Variants in GMDS observed in about 807,000 individuals in gnomAD.
GMDS encodes GDP-mannose 4,6 dehydratase.
In GMDS, 20 loss-of-function variants were observed where a neutral mutation model predicts 49.9. The observed-to-expected ratio is 0.40, with a 90% CI of 0.28 to 0.58. The LOEUF (loss-of-function observed/expected upper bound fraction) is 0.58. Ranked by LOEUF, GMDS falls within the 20% of genes least tolerant of loss-of-function variation. The pLI, the probability that GMDS is intolerant of heterozygous loss-of-function variation, is 0.42. For synonymous variants in GMDS, 177 were observed against 178.6 expected (o/e 0.99, Z 0.07); for missense variants, 362 against 481.4 (o/e 0.75, Z 2.32).
intron 7 of GMDS, among the ~76,000 whole-genome samples, chr6:1,840,349 T>C (rs1215672007): frequency 1.3e-5 from 2 of 152,150 alleles, no homozygotes; most frequent in African/African-American, 4.8e-5. Flanking sequence ...GCCTGGCACA[T>C]AGTAGGTTCT....
At chr6:1,709,236 G>A (rs1031155534) in intron 9 of GMDS, among the ~76,000 whole-genome samples, 3 of 152,228 alleles carry the variant, frequency 2.0e-5, no homozygotes, top group Non-Finnish European at 2.9e-5. Flanking sequence ...TGCTGCTGAG[G>A]GGCCTGGCTA....
intron 9 of GMDS, among the ~76,000 whole-genome samples, chr6:1,633,333 C>T (rs560667171): frequency 2.6e-5 from 4 of 152,184 alleles, no homozygotes; most frequent in Non-Finnish European, 5.9e-5. Flanking sequence ...TGCTGTCCCT[C>T]AATTTCTGCA....
At chr6:1,802,623 G>A (rs1274288316) in intron 7 of GMDS, among the ~76,000 whole-genome samples, 6 of 152,216 alleles carry the variant, frequency 3.9e-5, no homozygotes, top group South Asian at 2.1e-4. Context: ...GCTGTTGTTC[G>A]GCAGGAGGTA....
chr6:1,709,193 A>T (rs1765853804), intron 9 of GMDS, among the ~76,000 whole-genome samples: 1 of 152,244 alleles, frequency 6.6e-6, no homozygotes, highest in Admixed American at 6.5e-5. Flanking sequence ...GACAGTGTCT[A>T]CAGAACCAGA....
rs567775642 is a variant in GMDS at position 1,862,396 on chromosome 6, C to T, written c.771+67707G>A. ...GATCCTGCTGGCACAGCTTCGAATC[C>T]GGGGGGACATCACTGAAATGTATTA... On this transcript the variant is annotated intron_variant, in intron 7 of 10. Transcript: ENST00000380815. Among the ~76,000 whole-genome samples the T allele has an allele frequency of 1.4e-4, 21 of 152,190 alleles. No individual in the cohort carries two copies. The South Asian group carries it at 1.7e-3, about 12-fold the overall frequency.
intron 9 of GMDS, among the ~76,000 whole-genome samples, chr6:1,673,389 C>T (rs1368913967): frequency 2.0e-5 from 3 of 149,594 alleles, no homozygotes; most frequent in Non-Finnish European, 4.4e-5. Flanking sequence ...TTTAAATAGA[C>T]TTAGTATTTT....
chr6:1,910,369 T>C (rs73425523), intron 7 of GMDS, among the ~76,000 whole-genome samples: 5,280 of 151,636 alleles, frequency 0.035, 294 homozygotes, highest in African/African-American at 0.12. Context: ...CACTGAGGGA[T>C]TGTACAATGT....
intron 4 of GMDS, among the ~76,000 whole-genome samples, chr6:1,989,095 A>G (rs1006243606): frequency 6.6e-6 from 1 of 152,238 alleles, no homozygotes; most frequent in East Asian, 1.9e-4. Flanking sequence ...ACACAAGTTT[A>G]TTCCACATGA....
chr6:2,225,975 G>A (rs1179756865), intron 1 of GMDS, among the ~76,000 whole-genome samples: 1 of 151,830 alleles, frequency 6.6e-6, no homozygotes, highest in Non-Finnish European at 1.5e-5. Flanking sequence ...GGTGAACTCT[G>A]CTCCCATTCC....
rs139795178 is a variant in GMDS at position 1,770,153 on chromosome 6, T to C, written c.772-27567A>G. On this transcript the variant is annotated intron_variant, in intron 7 of 10. Transcript: ENST00000380815. ...TAACTTTACTTGAGTCATGGACTCC[T>C]TTGAGAATCTGATGAAAAATGAGGA... Among the ~76,000 whole-genome samples, 62 of 152,348 alleles carry C rather than the reference T, an allele frequency of 4.1e-4. No homozygotes were observed. The East Asian group carries it at 0.011, about 26-fold the overall frequency.
At chr6:1,652,400 AT>A (rs1343071626) in intron 9 of GMDS, among the ~76,000 whole-genome samples, 1 of 4,930 alleles carries the variant, frequency 2.0e-4, no homozygotes, top group African/African-American at 5.0e-4. Flanking sequence ...TATTATATAT[AT>A]ATATATATTA....
chr6:2,082,665 C>T (rs951796410), intron 4 of GMDS, among the ~76,000 whole-genome samples: 6 of 152,152 alleles, frequency 3.9e-5, no homozygotes, highest in Non-Finnish European at 7.4e-5. Context: ...GGTTATGGGT[C>T]ACAAAATCAA....
chr6:1,968,739 T>C (rs779459926), intron 4 of GMDS, among the ~76,000 whole-genome samples: 3 of 152,128 alleles, frequency 2.0e-5, no homozygotes, highest in Non-Finnish European at 4.4e-5. Flanking sequence ...TACTTCAAAA[T>C]ATTAATACAA....
intron 7 of GMDS, among the ~76,000 whole-genome samples, chr6:1,761,362 A>T (rs938605643): frequency 5.3e-5 from 8 of 152,248 alleles, no homozygotes; most frequent in African/African-American, 1.9e-4. Context: ...AAGATAATTT[A>T]AAAAATCTGT....
intron 7 of GMDS, among the ~76,000 whole-genome samples, chr6:1,927,915 C>A (rs531952747): frequency 3.9e-5 from 6 of 152,166 alleles, no homozygotes; most frequent in Non-Finnish European, 8.8e-5. Flanking sequence ...ATAAACACAA[C>A]CTGTAAAAAG....
rs367968855 is a variant in GMDS, at chr6:1,733,749, G to A, written c.891-7237C>T. On this transcript the variant is annotated intron_variant, in intron 8 of 10. Coordinates refer to ENST00000380815, the MANE Select transcript of GMDS (RefSeq NM_001500.4). The stretch of plus-strand genomic sequence containing the variant: ...CACCCATTGTCCCAAGTACTTGTGA[G>A]GCAGAGGTGGGAGGATTGCTTGAAC... Among the ~76,000 whole-genome samples, 12 of 152,290 alleles carry A rather than the reference G, an allele frequency of 7.9e-5. No individual in the cohort carries two copies. In the South Asian group the frequency reaches 8.3e-4, roughly 11 times the overall value.
chr6:2,013,403 AT>A (rs952422080), intron 4 of GMDS, among the ~76,000 whole-genome samples: 2 of 152,206 alleles, frequency 1.3e-5, no homozygotes, highest in African/African-American at 4.8e-5. Context: ...AACAAAAAAA[AT>A]GACAAGGTCA....
intron 4 of GMDS, among the ~76,000 whole-genome samples, chr6:1,990,773 G>T (rs543878671): frequency 6.6e-6 from 1 of 150,936 alleles, no homozygotes; most frequent in East Asian, 2.0e-4. Context: ...TAGAGGCAGG[G>T]TTTCACCATG....
At chr6:1,707,195 C>T (rs1765769791) in intron 9 of GMDS, among the ~76,000 whole-genome samples, 1 of 152,180 alleles carries the variant, frequency 6.6e-6, no homozygotes, top group African/African-American at 2.4e-5. Context: ...ATTAAAATTA[C>T]ATCTCCATTG....
Sources: allele counts gnomAD v4.1 joint callset (sites outside exome capture counted in the v4.1 genomes callset), GRCh38; gene constraint gnomAD v4.1.1; transcripts MANE v1.5; gene names NCBI Gene and HGNC (gene_info 2026-07-23, HGNC 2026-07-21).